RPL6: variants seen among roughly 807,000 people sequenced by gnomAD.
The protein encoded by RPL6 is large ribosomal subunit protein eL6.
In RPL6, 1 loss-of-function variant was observed where a neutral mutation model predicts 32.1. The ratio of observed to expected loss-of-function variants is 0.03; its 90% confidence interval spans 0.01 to 0.15. RPL6 has a LOEUF of 0.15. Ranked by LOEUF, RPL6 falls within the 10% of genes least tolerant of loss-of-function variation. The probability of loss-of-function intolerance (pLI) is 1.00; values close to 1 mark genes in which losing one functional copy is unlikely to be tolerated. For missense variants in RPL6, 275 were observed against 354.6 expected (o/e 0.78, Z 1.80); for synonymous variants, 126 against 131.6 (o/e 0.96, Z 0.29).
upstream of RPL6, among the ~76,000 whole-genome samples, chr12:112,414,624 C>T (rs1171080174): frequency 6.6e-6 from 1 of 152,168 alleles, no homozygotes; most frequent in African/African-American, 2.4e-5. Context: ...TAATTGGCAG[C>T]CAGGCGCCGT....
intron 6 of RPL6, 160 bp from the exon 7 acceptor site, chr12:112,405,536 AC>A (rs1248506524): frequency 7.1e-5 from 55 of 771,506 alleles, no homozygotes; most frequent in Non-Finnish European, 1.0e-4. Flanking sequence ...GTGAAACACA[AC>A]CCATTTTTTA....
chr12:112,406,150 A>C, intron 5 of RPL6, 113 bp from the exon 6 acceptor site: 1 of 1,203,806 alleles, frequency 8.3e-7, no homozygotes, highest in African/African-American at 1.5e-5. Flanking sequence ...TGTCTAACCC[A>C]CTTGCACACA....
chr12:112,406,157 C>T, intron 5 of RPL6, 120 bp from the exon 6 acceptor site: 1 of 1,205,310 alleles, frequency 8.3e-7, no homozygotes. Context: ...CCCACTTGCA[C>T]ACAAGGCAAT....
intron 3 of RPL6, 52 bp downstream of exon 3, chr12:112,408,188 C>A: frequency 7.6e-7 from 1 of 1,313,346 alleles, no homozygotes. Flanking sequence ...AAAACATCTT[C>A]ACAGTATTCA....
At chr12:112,409,161 C>G (rs2037280314) in intron 1 of RPL6, 1 of 302,252 alleles carries the variant, frequency 3.3e-6, no homozygotes, top group African/African-American at 2.2e-5. Flanking sequence ...TCGCAAAGAC[C>G]AAGAGGCGAC....
chr12:112,406,633 C>T (rs1566140777), intron 4 of RPL6, 114 bp downstream of exon 4: 2 of 1,366,552 alleles, frequency 1.5e-6, no homozygotes, highest in Non-Finnish European at 2.0e-6. Context: ...CAGATCATTT[C>T]CCCTTGCCCC....
chr12:112,409,551 G>C (rs542956680), intron 1 of RPL6, 36 bp downstream of exon 1: 1 of 398,628 alleles, frequency 2.5e-6, no homozygotes, highest in South Asian at 1.3e-4. Flanking sequence ...TGGGAGTCCT[G>C]AACTCAAGTC....
At chr12:112,406,109 C>T in intron 5 of RPL6, 72 bp from the exon 6 acceptor site, 1 of 1,386,350 alleles carries the variant, frequency 7.2e-7, no homozygotes, top group South Asian at 1.3e-5. Flanking sequence ...GTGACCATTA[C>T]TTGTTATGTT....
Position 112,405,840 on chromosome 12 carries a change from A to G in RPL6, c.714+13T>C, listed in dbSNP as rs897674637. 18 of 1,604,602 alleles carry G rather than the reference A, an allele frequency of 1.1e-5. No individual in the cohort carries two copies. The highest frequency in any genetic ancestry group is 1.7e-4 in the Middle Eastern group (1 of 6,016). On this transcript the variant is annotated intron_variant, in intron 6 of 6. Transcript: ENST00000202773. ...GCCAGTGCTAACACAGGAGATGACA[A>G]GTAGAAACTTACCTCTTTTTCTGTG...
intron 3 of RPL6, chr12:112,408,009 C>A (rs1459964755): frequency 1.9e-6 from 1 of 517,842 alleles, no homozygotes; most frequent in African/African-American, 1.9e-5. Flanking sequence ...CATTAGCCAC[C>A]ACACTCAGCC....
chr12:112,412,630 T>C (rs1335311432), upstream of RPL6, among the ~76,000 whole-genome samples: 1 of 152,006 alleles, frequency 6.6e-6, no homozygotes, highest in Admixed American at 6.6e-5. Context: ...CACACCACCA[T>C]ACCTGGCTAA....
At chr12:112,408,698 G>A (rs1175512687) in intron 1 of RPL6, 42 bp from the exon 2 acceptor site, 2 of 1,495,260 alleles carry the variant, frequency 1.3e-6, no homozygotes, top group Non-Finnish European at 1.8e-6. Context: ...CATTTCACCA[G>A]TCATCTCTCT....
chr12:112,408,235 C>A lies in RPL6; in HGVS notation c.336+5G>T. The A allele has an allele frequency of 6.2e-7, 1 of 1,611,018 alleles. No homozygotes were observed. The highest frequency in any genetic ancestry group is 8.5e-7 in the Non-Finnish European group (1 of 1,177,314). ...AAAATCCAATTTACAGTCCCCACATCTTACCATTTTGCGAAGTTTAACCAC... is the reference window on the plus strand; with the variant it reads ...AAAATCCAATTTACAGTCCCCACATATTACCATTTTGCGAAGTTTAACCAC... On this transcript the variant is annotated splice_donor_5th_base_variant and intron_variant, in intron 3 of 6. Transcript: ENST00000202773.
At chr12:112,406,268 A>G in intron 5 of RPL6, 26 bp downstream of exon 5, 1 of 1,602,796 alleles carries the variant, frequency 6.2e-7, no homozygotes, top group African/African-American at 1.3e-5. Flanking sequence ...GTTTCACAGA[A>G]CATCACAATC....
At chr12:112,416,133 A>ATTTTTTTTTT (rs1168421826) in intron 1 of RPL6, among the ~76,000 whole-genome samples, 3 of 51,052 alleles carry the variant, frequency 5.9e-5, no homozygotes, top group African/African-American at 8.1e-5. Flanking sequence ...TAAATTTTGT[A>ATTTTTTTTTT]TTTTTTTTTT....
At chr12:112,405,757 A>T in intron 6 of RPL6, 96 bp downstream of exon 6, 1 of 1,013,402 alleles carries the variant, frequency 9.9e-7, no homozygotes, top group African/African-American at 1.6e-5. Flanking sequence ...CTCATTATTT[A>T]ACCTTTCATT....
At chr12:112,418,292 T>TA (rs1288842468) in intron 1 of RPL6, 2 of 152,326 alleles carry the variant, frequency 1.3e-5, no homozygotes, top group Admixed American at 6.6e-5. Context: ...ATTATTTTTT[T>TA]AGGCAGTGTC....
Position 112,406,283 on chromosome 12 carries a change from G to C in RPL6, c.529+11C>G, listed in dbSNP as rs376599662. 1 of 1,610,078 alleles carries C rather than the reference G, an allele frequency of 6.2e-7. No homozygotes were observed. The highest frequency in any genetic ancestry group is 1.3e-5 in the African/African-American group (1 of 74,802). On this transcript the variant is annotated intron_variant, in intron 5 of 6. Coordinates refer to ENST00000202773, the MANE Select transcript of RPL6 (RefSeq NM_000970.6). ...GTTTCACAGAACATCACAATCCAAG[G>C]ATTTTCTTACCAGTCACAAGTAATA...
intron 1 of RPL6, chr12:112,409,335 C>G (rs1053260456): frequency 2.5e-6 from 1 of 394,972 alleles, no homozygotes; most frequent in African/African-American, 2.1e-5. Flanking sequence ...GCTACGGGTC[C>G]CCGAAAGGGC....
Sources: allele counts gnomAD v4.1 joint callset (sites outside exome capture counted in the v4.1 genomes callset), GRCh38; gene constraint gnomAD v4.1.1; transcripts MANE v1.5; gene names NCBI Gene and HGNC (gene_info 2026-07-23, HGNC 2026-07-21).